Variants in MAGI2 observed in about 807,000 individuals in gnomAD.
MAGI2 encodes the protein membrane-associated guanylate kinase, WW and PDZ domain-containing protein 2.
Under a neutral mutation model 133.3 loss-of-function variants are expected in MAGI2, and 35 were observed. The observed-to-expected ratio is 0.26, with a 90% CI of 0.20 to 0.35. MAGI2 has a LOEUF of 0.35. Among genes scored for constraint, MAGI2 ranks in the 10% least tolerant of loss-of-function variants. MAGI2 has a pLI of 1.00. For missense variants in MAGI2, 1,636 were observed against 1,863.4 expected (o/e 0.88, Z 2.25); for synonymous variants, 729 against 710.6 (o/e 1.03, Z -0.41).
chr7:78,790,250 C>G (rs1462040240), intron 2 of MAGI2, among the ~76,000 whole-genome samples: 2 of 151,988 alleles, frequency 1.3e-5, no homozygotes, highest in Non-Finnish European at 2.9e-5. Flanking sequence ...ATGAAAGTGG[C>G]TGTCTTACTT....
chr7:78,580,041 A>G (rs1802673148), intron 3 of MAGI2, among the ~76,000 whole-genome samples: 1 of 152,226 alleles, frequency 6.6e-6, no homozygotes, highest in Non-Finnish European at 1.5e-5. Flanking sequence ...AACAATTTAT[A>G]AAATGTAACT....
At chr7:79,021,340 T>C (rs891562583) in intron 1 of MAGI2, among the ~76,000 whole-genome samples, 3 of 152,176 alleles carry the variant, frequency 2.0e-5, no homozygotes, top group Non-Finnish European at 2.9e-5. Flanking sequence ...TCCACACAGA[T>C]TGCACTATGT....
chr7:78,892,124 T>G (rs1442532892), intron 2 of MAGI2, among the ~76,000 whole-genome samples: 1 of 152,144 alleles, frequency 6.6e-6, no homozygotes, highest in African/African-American at 2.4e-5. Flanking sequence ...GAACTCCCAT[T>G]CACAATTGCT....
At chr7:79,284,061 G>A (rs1253670614) in intron 1 of MAGI2, among the ~76,000 whole-genome samples, 2 of 152,074 alleles carry the variant, frequency 1.3e-5, no homozygotes, top group African/African-American at 2.4e-5. Context: ...GTAGTAGGTT[G>A]TATGATCTGG....
intron 9 of MAGI2, among the ~76,000 whole-genome samples, chr7:78,312,749 T>G (rs1798816526): frequency 6.6e-6 from 1 of 151,718 alleles, no homozygotes; most frequent in Admixed American, 6.6e-5. Context: ...TCAAATAACT[T>G]AAAATAGAAC....
At chr7:79,377,430 G>A (rs772395483) in intron 1 of MAGI2, among the ~76,000 whole-genome samples, 9 of 151,932 alleles carry the variant, frequency 5.9e-5, no homozygotes, top group South Asian at 4.1e-4. Context: ...GCTGGAGGAC[G>A]AGATTCATTG....
chr7:79,083,518 T>A (rs1408015152), intron 1 of MAGI2, among the ~76,000 whole-genome samples: 1 of 151,746 alleles, frequency 6.6e-6, no homozygotes, highest in Non-Finnish European at 1.5e-5. Context: ...CCTTGTATTC[T>A]TGGGATAAAT....
intron 1 of MAGI2, among the ~76,000 whole-genome samples, chr7:79,228,370 A>AAAAAAAAAAAAAAAC (rs1491129211): frequency 6.8e-6 from 1 of 147,256 alleles, no homozygotes; most frequent in African/African-American, 2.5e-5. Flanking sequence ...AAAAAAAAAA[A>AAAAAAAAAAAAAAAC]GATCGTGGGA....
intron 6 of MAGI2, among the ~76,000 whole-genome samples, chr7:78,405,692 C>A (rs1050050716): frequency 6.6e-6 from 1 of 152,004 alleles, no homozygotes; most frequent in South Asian, 2.1e-4. Context: ...AAACACTATT[C>A]ATCTTAATAC....
chr7:78,116,249 G>A (rs147889379), intron 20 of MAGI2, among the ~76,000 whole-genome samples: 212 of 151,994 alleles, frequency 1.4e-3, no homozygotes, highest in African/African-American at 4.8e-3. Flanking sequence ...AAATTAGAAT[G>A]TATTTGGAAC....
At chr7:78,045,968 G>A (rs1309859055) in intron 21 of MAGI2, among the ~76,000 whole-genome samples, 1 of 152,098 alleles carries the variant, frequency 6.6e-6, no homozygotes, top group Non-Finnish European at 1.5e-5. Context: ...CCAAGCTTAA[G>A]AACTAGATGG....
chr7:78,255,957 A>C lies in MAGI2; in HGVS notation c.2033T>G (p.Ile678Ser). Residue 678 changes from isoleucine to serine, a missense_variant, in exon 10 of 22, where the codon ATT becomes AGT. This residue lies in a region of MAGI2 where 920 missense variants were observed against 1,093.5 expected (regional missense o/e 0.84). Coordinates refer to ENST00000354212, the MANE Select transcript of MAGI2 (RefSeq NM_012301.4). ...GTTTGTCTTACCTCCTCGATGGATA[A>C]TCAAAGAAGTTTCACTTCCAATGGG... ...DCPIGSETSLIIHRGGFFSPW... is the reference protein window; with the variant it reads ...DCPIGSETSLSIHRGGFFSPW... The C allele has an allele frequency of 6.2e-7, 1 of 1,613,840 alleles. No individual in the cohort carries two copies. The highest frequency in any genetic ancestry group is 1.7e-4 in the Middle Eastern group (1 of 6,060).
At chr7:79,147,648 T>C (rs1822776471) in intron 1 of MAGI2, among the ~76,000 whole-genome samples, 1 of 152,230 alleles carries the variant, frequency 6.6e-6, no homozygotes, top group African/African-American at 2.4e-5. Context: ...TGATCTCATC[T>C]TGCATTCTCT....
intron 2 of MAGI2, among the ~76,000 whole-genome samples, chr7:78,910,924 A>C (rs1465794094): frequency 6.6e-6 from 1 of 152,196 alleles, no homozygotes; most frequent in Non-Finnish European, 1.5e-5. Flanking sequence ...TGCTACATAC[A>C]CACATTTGCA....
At chr7:78,658,921 G>A (rs1812604822) in intron 2 of MAGI2, among the ~76,000 whole-genome samples, 1 of 152,064 alleles carries the variant, frequency 6.6e-6, no homozygotes, top group Non-Finnish European at 1.5e-5. Context: ...AACAAACAAA[G>A]TTAAACATAC....
chr7:78,357,442 T>C (rs944830731), intron 7 of MAGI2, among the ~76,000 whole-genome samples: 2 of 152,308 alleles, frequency 1.3e-5, no homozygotes, highest in Non-Finnish European at 2.9e-5. Flanking sequence ...CCAAAATAAA[T>C]TACTAAGCCA....
intron 3 of MAGI2, among the ~76,000 whole-genome samples, chr7:78,526,606 C>T (rs1033684196): frequency 6.6e-6 from 1 of 152,178 alleles, no homozygotes; most frequent in African/African-American, 2.4e-5. Flanking sequence ...AAAGTCATTT[C>T]AGGACCCTGA....
At chr7:78,087,296 C>T (rs1816744309) in intron 20 of MAGI2, among the ~76,000 whole-genome samples, 1 of 152,060 alleles carries the variant, frequency 6.6e-6, no homozygotes, top group South Asian at 2.1e-4. Context: ...GCTGTATGCT[C>T]CTTAGAGTTT....
At position 78,878,578 on chromosome 7, in the gene MAGI2, A is replaced by G. The variant is rs139565345; in HGVS notation, c.418+128512T>C. Among the ~76,000 whole-genome samples the G allele has an allele frequency of 2.5e-4, 38 of 152,342 alleles. No individual in the cohort carries two copies. The East Asian group carries it at 6.4e-3, about 26-fold the overall frequency. On this transcript the variant is annotated intron_variant, in intron 2 of 21. Coordinates refer to ENST00000354212, the MANE Select transcript of MAGI2 (RefSeq NM_012301.4). ...TCCTGCCTGAAAATCACATGCCAAT[A>G]TTTCGTGCCTTGTCATCCATATGTC...
Sources: gnomAD v4.1 joint callset for allele counts (sites outside exome capture counted in the v4.1 genomes callset) on GRCh38, gnomAD v4.1.1 for gene constraint, gnomAD v4.1.1 regional missense constraint, MANE v1.5 for transcripts, NCBI Gene and HGNC (gene_info 2026-07-23, HGNC 2026-07-21) for gene names.